Variants in EXOSC10 observed in about 807,000 individuals in gnomAD.
EXOSC10 encodes the protein exosome component 10.
A neutral mutation model predicts 126.6 loss-of-function variants in EXOSC10; 94 were observed. The ratio of observed to expected loss-of-function variants is 0.74; its 90% CI spans 0.63 to 0.88. EXOSC10 has a LOEUF of 0.88. EXOSC10 is among the 40% of genes least tolerant of loss of function. EXOSC10 has a pLI of 0.00. For missense variants in EXOSC10, 1,041 were observed against 1,100.5 expected (o/e 0.95, Z 0.77); for synonymous variants, 395 against 400.8 (o/e 0.99, Z 0.17).
rs1557704109 is a variant in EXOSC10, at chr1:11,080,559, A to ACACACACAC, written c.1587-11_1587-10insGTGTGTGTG. 1.3e-6 allele frequency: 2 copies of ACACACACAC among 1,518,706 alleles called. No homozygotes were observed. Among genetic ancestry groups the ACACACACAC allele is most frequent in the African/African-American group, 3.4e-5 (2 of 58,942 alleles). 94.1% of individuals were successfully genotyped at this position (1,518,706 alleles called of 1,614,324 possible). A position where few individuals can be genotyped will look rare whatever the true frequency, so the allele number is the denominator to read the frequency against. On this transcript the variant is annotated splice_polypyrimidine_tract_variant and intron_variant, in intron 12 of 24. Coordinates refer to ENST00000376936, the MANE Select transcript of EXOSC10 (RefSeq NM_001001998.3). The stretch of plus-strand genomic sequence containing the variant: ...GTTTGGCAGTACATATCTGGAAAAA[A>ACACACACAC]AAAAACACACACACACACACACACA...
Position 11,076,839 on chromosome 1 carries a change from C to A in EXOSC10, c.1986+3G>T, listed in dbSNP as rs1352730506. 5 of 1,607,714 alleles carry A rather than the reference C, an allele frequency of 3.1e-6. No individual in the cohort carries two copies. The South Asian group carries it at 5.5e-5, about 18-fold the overall frequency. On this transcript the variant is annotated splice_donor_region_variant and intron_variant, in intron 17 of 24. Transcript: ENST00000376936. ...ACCTCAGTGAAGTTTCTGTGCTACT[C>A]ACATTAAATAACGTGATGACAGCTG...
chr1:11,098,002 A>G lies in EXOSC10; in HGVS notation c.248+18T>C. 1 of 1,512,026 alleles carries G rather than the reference A, an allele frequency of 6.6e-7. No individual in the cohort carries two copies. The highest frequency in any genetic ancestry group is 1.3e-5 in the South Asian group (1 of 75,948). 93.7% of individuals were successfully genotyped at this position (1,512,026 alleles called of 1,614,324 possible). Reference sequence around the variant, plus strand: ...CATTTCTTTTCACTAACACAAGAAAACAAAGTACAGTACTTACCACTGAAG... The same window carrying G: ...CATTTCTTTTCACTAACACAAGAAAGCAAAGTACAGTACTTACCACTGAAG... On this transcript the variant is annotated intron_variant, in intron 2 of 24. Transcript: ENST00000376936.
rs374419101 is a variant in EXOSC10 at position 11,087,535 on chromosome 1, C to T, written c.1002G>A (p.Arg334=). ...GGGTGTCAATGATGAAGTCTTCCGT[C>T]CGAGTAGAAATTTGCATCAGGCAGG... ...GLTCLMQIST[R]TEDFIIDTLE... is the part of the protein sequence containing the mutation. The change falls in exon 9 of 25, where the codon CGG becomes CGA. Residue 334 remains arginine (R), a synonymous_variant. Coordinates refer to ENST00000376936, the MANE Select transcript of EXOSC10 (RefSeq NM_001001998.3). The T allele has an allele frequency of 1.1e-4, 180 of 1,613,964 alleles. No individual in the cohort carries two copies. The highest frequency in any genetic ancestry group is 8.2e-4 in the Middle Eastern group (5 of 6,084).
At chr1:11,094,931 G>A (rs1333742831) in intron 3 of EXOSC10, among the ~76,000 whole-genome samples, 1 of 152,100 alleles carries the variant, frequency 6.6e-6, no homozygotes, top group Admixed American at 6.5e-5. Flanking sequence ...AGGCTTTCAG[G>A]CTCAGTGAGG....
At chr1:11,067,785 C>T (rs968903316) in intron 24 of EXOSC10, among the ~76,000 whole-genome samples, 1 of 152,144 alleles carries the variant, frequency 6.6e-6, no homozygotes, top group Non-Finnish European at 1.5e-5. Flanking sequence ...AATCTGAGTC[C>T]TGGGGTGCAG....
At chr1:11,069,531 C>T in intron 22 of EXOSC10, 28 bp downstream of exon 22, 2 of 1,606,954 alleles carry the variant, frequency 1.2e-6, no homozygotes, top group Non-Finnish European at 1.7e-6. Flanking sequence ...CACAGATGTC[C>T]CTGTATGGGG....
rs1301280829 is a variant in EXOSC10, at chr1:11,099,706, G to C, written c.111+15C>G. ...GCGGGCGACTCCTGGTACCCCCGAG[G>C]CCCCGCGAACTCACCTTCACAAAGC... is the stretch of plus-strand genomic sequence containing the variant. On this transcript the variant is annotated intron_variant, in intron 1 of 24. Coordinates refer to ENST00000376936, the MANE Select transcript of EXOSC10 (RefSeq NM_001001998.3). 6.3e-7 allele frequency: 1 copy of C among 1,593,442 alleles called. No individual in the cohort carries two copies. Among genetic ancestry groups the C allele is most frequent in the Admixed American group, 1.7e-5 (1 of 57,438 alleles).
rs571059213 is a variant in EXOSC10 at position 11,086,490 on chromosome 1, C to T, written c.1089+958G>A. Among the ~76,000 whole-genome samples, 36 of 150,338 alleles carry T rather than the reference C, an allele frequency of 2.4e-4. 1 individual carries two copies. The highest frequency in any genetic ancestry group is 1.9e-3 in the Admixed American group (28 of 15,010). On this transcript the variant is annotated intron_variant, in intron 9 of 24. Coordinates refer to ENST00000376936, the MANE Select transcript of EXOSC10 (RefSeq NM_001001998.3). ...ATATCCCCTTTATCATTTTTTATTGCGTCTATTTGATTCTTCTATTTTTCT... is the reference window on the plus strand; with the variant it reads ...ATATCCCCTTTATCATTTTTTATTGTGTCTATTTGATTCTTCTATTTTTCT...
chr1:11,068,702 G>A lies in EXOSC10; in HGVS notation c.2493C>T (p.Asn831=). Residue 831 remains asparagine (N), a synonymous_variant, in exon 23 of 25, where the codon AAC becomes AAT. Coordinates refer to ENST00000376936, the MANE Select transcript of EXOSC10 (RefSeq NM_001001998.3). ...ACTGAGAAGAAACTTTGGATTTGCT[G>A]TTTCCTGAAAGGTAAGAGATGAGAG... ...SQSDFKAFAG[N]SKSKVSSQFD... is the part of the protein sequence containing the mutation. The A allele has an allele frequency of 1.2e-6, 2 of 1,614,002 alleles. No homozygotes were observed. The highest frequency in any genetic ancestry group is 1.7e-6 in the Non-Finnish European group (2 of 1,179,840).
rs750993880 is a variant in EXOSC10, at chr1:11,069,756, G to A, written c.2317-26C>T. 49 of 1,610,322 alleles carry A rather than the reference G, an allele frequency of 3.0e-5. No individual in the cohort carries two copies. The South Asian group carries it at 4.5e-4, about 15-fold the overall frequency. On this transcript the variant is annotated intron_variant, in intron 21 of 24. Transcript: ENST00000376936. Reference sequence around the variant, plus strand: ...CTGTAGATCAGGAACAGATGTGGGGGAGGAACAGGGAGGCACATGGGAACA... The same window carrying A: ...CTGTAGATCAGGAACAGATGTGGGGAAGGAACAGGGAGGCACATGGGAACA...
intron 1 of EXOSC10, 29 bp downstream of exon 1, chr1:11,099,692 C>G (rs1158248346): frequency 6.3e-7 from 1 of 1,574,916 alleles, no homozygotes; most frequent in Admixed American, 1.8e-5. Context: ...CGGGCGACTC[C>G]TGGTACCCCC....
intron 3 of EXOSC10, among the ~76,000 whole-genome samples, chr1:11,094,568 T>A (rs965263375): frequency 6.6e-6 from 1 of 151,168 alleles, no homozygotes; most frequent in Non-Finnish European, 1.5e-5. Flanking sequence ...CCCAAAGTGC[T>A]GGGATTATAG....
chr1:11,099,080 A>C (rs1641276792), intron 1 of EXOSC10, among the ~76,000 whole-genome samples: 1 of 152,220 alleles, frequency 6.6e-6, no homozygotes, highest in Admixed American at 6.5e-5. Context: ...AATTTCTGTA[A>C]ATTTATAGGG....
chr1:11,088,641 G>T (rs1209740255), intron 6 of EXOSC10, among the ~76,000 whole-genome samples: 1 of 152,164 alleles, frequency 6.6e-6, no homozygotes, highest in African/African-American at 2.4e-5. Context: ...TCCTCAACTT[G>T]TGGTGTGTTC....
At chr1:11,073,354 G>C (rs886147578) in intron 19 of EXOSC10, among the ~76,000 whole-genome samples, 9 of 151,918 alleles carry the variant, frequency 5.9e-5, no homozygotes, top group African/African-American at 2.2e-4. Flanking sequence ...GGATGGTTTC[G>C]ATCTCCTGAC....
rs1369306466 is a variant in EXOSC10 at position 11,070,937 on chromosome 1, G to A, written c.2279C>T (p.Ala760Val). The A allele has an allele frequency of 1.2e-6, 2 of 1,614,184 alleles. No homozygotes were observed. The highest frequency in any genetic ancestry group is 1.7e-6 in the Non-Finnish European group (2 of 1,180,014). Residue 760 changes from alanine to valine, a missense_variant, in exon 21 of 25, where the codon GCA becomes GTA. This residue lies in a region of EXOSC10 where 388 missense variants were observed against 415.2 expected (regional missense o/e 0.93). Transcript: ENST00000376936. The part of the protein sequence containing the change: ...REQAKEACKA[A>V]AEQAISVRQQ... ...TCGGACGGAGATGGCCTGTTCTGCTGCAGCTTTGCACGCCTCCTTTGCCTG... is the reference window on the plus strand; with the variant it reads ...TCGGACGGAGATGGCCTGTTCTGCTACAGCTTTGCACGCCTCCTTTGCCTG...
chr1:11,090,681 G>A lies in EXOSC10; in HGVS notation c.644-13C>T. On this transcript the variant is annotated splice_polypyrimidine_tract_variant and intron_variant, in intron 5 of 24. Transcript: ENST00000376936. ...TCCTTAGAGAGAGCTGGGGATCCCA[G>A]CAGTGACAAAAACATCATTAGCACA... 1 of 1,570,412 alleles carries A rather than the reference G, an allele frequency of 6.4e-7. No homozygotes were observed. The highest frequency in any genetic ancestry group is 8.7e-7 in the Non-Finnish European group (1 of 1,150,580).
intron 1 of EXOSC10, among the ~76,000 whole-genome samples, chr1:11,098,672 C>G (rs952560076): frequency 6.6e-6 from 1 of 152,154 alleles, no homozygotes; most frequent in Non-Finnish European, 1.5e-5. Flanking sequence ...TCTGGATGAG[C>G]ATCTAAAAAC....
intron 9 of EXOSC10, among the ~76,000 whole-genome samples, chr1:11,086,173 T>C (rs1323105789): frequency 6.6e-6 from 1 of 151,656 alleles, no homozygotes; most frequent in Non-Finnish European, 1.5e-5. Context: ...TTTCTATTGA[T>C]TGGAATAGTT....
Sources: gnomAD v4.1 joint callset for allele counts (sites outside exome capture counted in the v4.1 genomes callset) on GRCh38, gnomAD v4.1.1 for gene constraint, gnomAD v4.1.1 regional missense constraint, MANE v1.5 for transcripts, NCBI Gene and HGNC (gene_info 2026-07-23, HGNC 2026-07-21) for gene names.